The following RBFOX1 variants were observed in gnomAD, a reference collection of about 807,000 sequenced individuals.
RBFOX1 encodes RNA binding protein fox-1 homolog 1.
A neutral mutation model predicts 57.7 loss-of-function variants in RBFOX1; 8 were observed. The ratio of observed to expected loss-of-function variants is 0.14; its 90% CI spans 0.08 to 0.25. RBFOX1 has a LOEUF of 0.25. RBFOX1 is among the 10% of genes least tolerant of loss of function. The pLI is 1.00. For missense variants in RBFOX1, 611 were observed against 548.5 expected (o/e 1.11, Z -1.14); for synonymous variants, 326 against 222.4 (o/e 1.47, Z -4.15).
intron 4 of RBFOX1, among the ~76,000 whole-genome samples, chr16:7,333,661 C>A (rs1411350130): frequency 6.6e-6 from 1 of 152,154 alleles, no homozygotes; most frequent in Non-Finnish European, 1.5e-5. Context: ...ATGTGTACAT[C>A]TTAATGATGG....
chr16:7,225,532 T>A (rs374701921), intron 4 of RBFOX1, among the ~76,000 whole-genome samples: 95 of 151,934 alleles, frequency 6.3e-4, no homozygotes, highest in African/African-American at 2.2e-3. Context: ...AAATTACCAG[T>A]CTCAAGTATG....
At position 7,050,154 on chromosome 16, in the gene RBFOX1, CTT is replaced by C. The variant is rs58027559; in HGVS notation, c.-15-1893_-15-1892del. Among the ~76,000 whole-genome samples, 780 of 138,314 alleles carry C rather than the reference CTT, an allele frequency of 5.6e-3. 7 individuals are homozygous for C. Among genetic ancestry groups the C allele is most frequent in the African/African-American group, 0.018 (730 of 39,654 alleles). 90.7% of individuals were successfully genotyped at this position (138,314 alleles called of 152,430 possible). ...TTTCAGGTGTATAATTCAATGTGGG[CTT>C]TTTTTTTTTGGATATTTATAGAATT... On this transcript the variant is annotated intron_variant, in intron 3 of 15. Transcript: ENST00000550418.
In RBFOX1 at chr16:7,712,563, G is replaced by T. The variant is rs2084159309; in HGVS notation, c.*1818G>T. The stretch of plus-strand genomic sequence containing the variant: ...AGTGATCTTGAAAAGAGAAAAGGGG[G>T]AGGGGGGAGCTACTTATCAGCCAAA... On this transcript the variant is annotated 3_prime_UTR_variant, in exon 16 of 16. Coordinates refer to ENST00000550418, the MANE Select transcript of RBFOX1 (RefSeq NM_018723.4). 1 of 152,594 alleles carries T rather than the reference G, an allele frequency of 6.6e-6. No individual in the cohort carries two copies. The allele number at this position is 152,594 out of a possible 1,614,324, so 9.5% of individuals were successfully genotyped here. A position where few individuals can be genotyped will look rare whatever the true frequency, so the allele number is the denominator to read the frequency against.
chr16:5,872,361 G>A (rs1256780563), intron 4 of RBFOX1, among the ~76,000 whole-genome samples: 1 of 152,202 alleles, frequency 6.6e-6, no homozygotes, highest in Non-Finnish European at 1.5e-5. Context: ...TAACTGCTAA[G>A]CAAGTCTTTT....
rs190540805 is a variant in RBFOX1, at chr16:7,031,247, C to G, written c.-15-20810C>G. Among the ~76,000 whole-genome samples, 115 of 152,242 alleles carry G rather than the reference C, an allele frequency of 7.6e-4. 1 individual carries two copies. The highest frequency in any genetic ancestry group is 7.2e-3 in the Admixed American group (110 of 15,296). ...TGGAATCCTGACTCCTCTATTTACT[C>G]ATGATGTCAACTTTGGCAGGTTGTT... is the stretch of plus-strand genomic sequence containing the variant. On this transcript the variant is annotated intron_variant, in intron 3 of 15. Coordinates refer to ENST00000550418, the MANE Select transcript of RBFOX1 (RefSeq NM_018723.4).
intron 5 of RBFOX1, among the ~76,000 whole-genome samples, chr16:7,571,503 T>A (rs926257294): frequency 6.6e-6 from 1 of 152,216 alleles, no homozygotes; most frequent in Non-Finnish European, 1.5e-5. Flanking sequence ...TGGTTCTTTA[T>A]TAAGGTCTTT....
At chr16:6,127,273 C>T (rs192706075) in intron 1 of RBFOX1, among the ~76,000 whole-genome samples, 1 of 143,706 alleles carries the variant, frequency 7.0e-6, no homozygotes, top group Non-Finnish European at 1.5e-5. Flanking sequence ...TATTTTGTCT[C>T]TCTCTTTTTT....
At chr16:5,411,313 G>A (rs1430150723) in intron 1 of RBFOX1, among the ~76,000 whole-genome samples, 3 of 152,196 alleles carry the variant, frequency 2.0e-5, no homozygotes, top group African/African-American at 7.2e-5. Context: ...GAAATCACGA[G>A]TCACAGTAAG....
intron 3 of RBFOX1, among the ~76,000 whole-genome samples, chr16:5,863,311 C>T (rs114304277): frequency 4.5e-3 from 693 of 152,322 alleles, no homozygotes; most frequent in African/African-American, 0.014. Flanking sequence ...AAGTTTCCCA[C>T]GTCCGTTTTG....
intron 2 of RBFOX1, among the ~76,000 whole-genome samples, chr16:5,592,174 T>A (rs188640027): frequency 6.6e-6 from 1 of 152,234 alleles, no homozygotes; most frequent in Admixed American, 6.5e-5. Flanking sequence ...GCTTGTTTTT[T>A]TCTATGGACT....
At chr16:5,344,290 AG>A in intron 1 of RBFOX1, among the ~76,000 whole-genome samples, 1 of 152,290 alleles carries the variant, frequency 6.6e-6, no homozygotes, top group Non-Finnish European at 1.5e-5. Flanking sequence ...ATGTGGTCCC[AG>A]TCCTTTGCCC....
intron 2 of RBFOX1, among the ~76,000 whole-genome samples, chr16:6,588,683 C>A (rs2097666261): frequency 1.3e-5 from 2 of 152,110 alleles, no homozygotes; most frequent in Non-Finnish European, 2.9e-5. Context: ...CACCTTCCTC[C>A]CTGCATTTTT....
intron 11 of RBFOX1, among the ~76,000 whole-genome samples, chr16:7,633,745 C>T (rs1033160707): frequency 6.6e-6 from 1 of 152,138 alleles, no homozygotes; most frequent in Non-Finnish European, 1.5e-5. Context: ...GAGGGGCCTT[C>T]AGTTATTTCT....
At chr16:5,284,756 A>AATTTTTTTTTTTTTTTT (rs1303967371) in intron 1 of RBFOX1, among the ~76,000 whole-genome samples, 1 of 61,032 alleles carries the variant, frequency 1.6e-5, no homozygotes, top group Non-Finnish European at 3.0e-5. Flanking sequence ...TTTGGCTTAG[A>AATTTTTTTTTTTTTTTT]TTTTTTTTTT....
chr16:6,748,070 C>G (rs1351873606), intron 3 of RBFOX1, among the ~76,000 whole-genome samples: 2 of 152,078 alleles, frequency 1.3e-5, no homozygotes, highest in Non-Finnish European at 2.9e-5. Context: ...TTTCCTGATA[C>G]TTTTTTTGTG....
At chr16:5,908,080 A>T (rs1408473554) in intron 4 of RBFOX1, among the ~76,000 whole-genome samples, 1 of 142,002 alleles carries the variant, frequency 7.0e-6, no homozygotes. Context: ...GTATATATAT[A>T]TATATACACA....
chr16:6,872,240 A>G (rs1486908202), intron 3 of RBFOX1, among the ~76,000 whole-genome samples: 1 of 152,158 alleles, frequency 6.6e-6, no homozygotes, highest in East Asian at 1.9e-4. Context: ...GAGATTTAAT[A>G]ATTGTTGTGT....
chr16:6,314,271 G>A (rs2080793931), intron 1 of RBFOX1, among the ~76,000 whole-genome samples: 1 of 152,188 alleles, frequency 6.6e-6, no homozygotes, highest in African/African-American at 2.4e-5. Flanking sequence ...CCGTTTCCCA[G>A]ACTACATAGT....
chr16:7,452,535 C>T (rs1011454418), intron 4 of RBFOX1, among the ~76,000 whole-genome samples: 3 of 152,160 alleles, frequency 2.0e-5, no homozygotes, highest in African/African-American at 7.2e-5. Flanking sequence ...AATAAATGAT[C>T]AATGCCTCAG....
Sources: allele counts gnomAD v4.1 joint callset (sites outside exome capture counted in the v4.1 genomes callset), GRCh38; gene constraint gnomAD v4.1.1; transcripts MANE v1.5; gene names NCBI Gene and HGNC (gene_info 2026-07-23, HGNC 2026-07-21).